ZNF324B: variants seen among roughly 807,000 people sequenced by gnomAD.
ZNF324B encodes the protein zinc finger protein 324B.
A neutral mutation model predicts 10.6 loss-of-function variants in ZNF324B; 7 were observed. The ratio of observed to expected loss-of-function variants is 0.66; its 90% confidence interval spans 0.38 to 1.24. ZNF324B has a LOEUF of 1.24. Ranked by LOEUF, ZNF324B falls within the 50% of genes most tolerant of loss-of-function variation. The probability of loss-of-function intolerance (pLI) is 0.02; values close to 1 mark genes in which losing one functional copy is unlikely to be tolerated. For synonymous variants in ZNF324B, 316 were observed against 321.0 expected, an observed-to-expected ratio of 0.98 and a Z score of 0.17; for missense variants, 640 against 764.7, an observed-to-expected ratio of 0.84 and a Z score of 1.92.
chr19:58,445,707 C>T, the ZNF324B span: 3 of 332,100 alleles, frequency 9.0e-6, no homozygotes, highest in African/African-American at 2.2e-5. Context: ...CCCAGCTACA[C>T]CAGAGGCTGA....
chr19:58,420,264 A>C, the ZNF324B span, among the ~76,000 whole-genome samples: 26 of 152,170 alleles, frequency 1.7e-4, no homozygotes, highest in African/African-American at 6.0e-4. Context: ...TAAAAATACA[A>C]AAAAATTAGC....
the ZNF324B span, chr19:58,440,106 G>A: frequency 6.4e-6 from 3 of 466,520 alleles, no homozygotes; most frequent in South Asian, 8.3e-5. Flanking sequence ...TGTGGCTCCA[G>A]AGGCCTGCTG....
the ZNF324B span, chr19:58,437,595 A>C: frequency 3.5e-4 from 207 of 595,968 alleles, no homozygotes; most frequent in Non-Finnish European, 4.1e-4. Flanking sequence ...TACCAGGGCC[A>C]TGGGCCCAAT....
chr19:58,446,574 T>TC, the ZNF324B span, among the ~76,000 whole-genome samples: 803 of 65,460 alleles, frequency 0.012, 13 homozygotes, highest in African/African-American at 0.087. Flanking sequence ...TTTCTTTCTC[T>TC]TTTTTTTTTT....
At chr19:58,453,964 G>A (rs558806753) in intron 2 of ZNF324B, 142 bp downstream of exon 2, 2 of 1,324,174 alleles carry the variant, frequency 1.5e-6, no homozygotes, top group African/African-American at 2.9e-5. Context: ...ACAAAGTTTG[G>A]TTGGGTCAGC....
At chr19:58,450,872 CACTT>C (rs1192429622), upstream of ZNF324B, among the ~76,000 whole-genome samples, 4 of 152,156 alleles carry the variant, frequency 2.6e-5, no homozygotes, top group Non-Finnish European at 2.9e-5. Context: ...GTGTCAAAGA[CACTT>C]AGATTGGTCC....
chr19:58,447,000 G>A (rs1599974382), upstream of ZNF324B, among the ~76,000 whole-genome samples: 1 of 147,622 alleles, frequency 6.8e-6, no homozygotes. Flanking sequence ...TTTTGAGGCA[G>A]AGTCTCACTC....
chr19:58,448,444 T>C (rs1339429726), upstream of ZNF324B, among the ~76,000 whole-genome samples: 1 of 152,182 alleles, frequency 6.6e-6, no homozygotes, highest in Non-Finnish European at 1.5e-5. Flanking sequence ...AAGTATCTGG[T>C]CCGGGTGCAG....
the ZNF324B span, chr19:58,441,123 C>CT: frequency 6.6e-6 from 1 of 152,254 alleles, no homozygotes; most frequent in Non-Finnish European, 1.5e-5. Flanking sequence ...GCTCTCATGC[C>CT]CCCTTGGCAG....
the ZNF324B span, among the ~76,000 whole-genome samples, chr19:58,423,094 C>T: frequency 6.6e-6 from 1 of 152,130 alleles, no homozygotes; most frequent in Admixed American, 6.6e-5. Flanking sequence ...TGGTCTCGAT[C>T]TCCTGACCTT....
rs752376216 is a variant in ZNF324B at position 58,453,785 on chromosome 19, C to G, written c.84C>G (p.His28Gln). 2 of 1,614,140 alleles carry G rather than the reference C, an allele frequency of 1.2e-6. No individual in the cohort carries two copies. Among genetic ancestry groups the G allele is most frequent in the Non-Finnish European group, 1.7e-6 (2 of 1,179,998 alleles). ...LDTAQRALYR[H>Q]VMLENFTLVT... Reference sequence around the variant, plus strand: ...CAGCGCAGAGGGCCCTGTACCGCCACGTGATGCTGGAAAACTTCACACTTG... The same window carrying G: ...CAGCGCAGAGGGCCCTGTACCGCCAGGTGATGCTGGAAAACTTCACACTTG... The change falls in exon 2 of 4, where the codon CAC becomes CAG. Residue 28 changes from histidine to glutamine, a missense_variant. Around this residue, in one of 3 missense-constraint regions of ZNF324B, gnomAD observed 345 missense variants for 387.9 expected, o/e 0.89. Transcript: ENST00000336614.
At chr19:58,454,708 T>C (rs2052895995) in intron 3 of ZNF324B, 2 of 566,044 alleles carry the variant, frequency 3.5e-6, no homozygotes, top group Non-Finnish European at 6.3e-6. Flanking sequence ...ACCAGGACAC[T>C]CATGGTCCTG....
chr19:58,427,494 C>CTTCT, the ZNF324B span, among the ~76,000 whole-genome samples: 3 of 101,112 alleles, frequency 3.0e-5, no homozygotes, highest in Non-Finnish European at 5.8e-5. Context: ...TCCTTCCTTC[C>CTTCT]TTTCTTTCTT....
At chr19:58,450,329 G>A (rs2052846375), upstream of ZNF324B, among the ~76,000 whole-genome samples, 2 of 152,094 alleles carry the variant, frequency 1.3e-5, no homozygotes, top group South Asian at 4.2e-4. Context: ...ACCAGGCATC[G>A]TGGCTCCTGC....
chr19:58,449,108 T>C (rs2122330783), upstream of ZNF324B, among the ~76,000 whole-genome samples: 1 of 152,346 alleles, frequency 6.6e-6, no homozygotes, highest in Admixed American at 6.5e-5. Context: ...TCCCAGCTGC[T>C]TGAACTATGG....
chr19:58,446,200 G>C, the ZNF324B span, among the ~76,000 whole-genome samples: 2 of 152,178 alleles, frequency 1.3e-5, no homozygotes, highest in Admixed American at 1.3e-4. Context: ...GCTAAACCTT[G>C]TGTAGAAGGA....
chr19:58,440,031 T>G, the ZNF324B span: 1 of 566,512 alleles, frequency 1.8e-6, no homozygotes, highest in Non-Finnish European at 3.0e-6. Flanking sequence ...GCAGAGTAAT[T>G]AGCCGGGCAC....
chr19:58,434,682 A>G, the ZNF324B span: 3 of 1,614,150 alleles, frequency 1.9e-6, no homozygotes, highest in Non-Finnish European at 2.5e-6. Context: ...GAGTTCTCAG[A>G]TGGTTGGGGA....
rs1190053952 is a variant in ZNF324B at position 58,455,264 on chromosome 19, C to T, written c.320C>T (p.Thr107Ile). The change falls in exon 4 of 4, where the codon ACT (threonine) becomes ATT (isoleucine). Residue 107 changes from threonine (T) to isoleucine (I), a missense_variant. Thr to Ile is a moderately conservative substitution (Grantham distance 89). Transcript: ENST00000336614. The surrounding 1 kb of genome is among the most constrained non-coding windows in gnomAD (Gnocchi z 7.0). ...AFPDTPPGMTTSVFPVADACH... is the reference protein window; with the variant it reads ...AFPDTPPGMTISVFPVADACH... ...CCAGATACCCCACCTGGGATGACTA[C>T]TAGCGTCTTCCCAGTTGCCGATGCC... is the stretch of plus-strand genomic sequence containing the variant. The T allele has an allele frequency of 3.1e-6, 5 of 1,614,116 alleles. No individual in the cohort carries two copies. Among genetic ancestry groups the T allele is most frequent in the Non-Finnish European group, 4.2e-6 (5 of 1,180,044 alleles).
Sources: gnomAD v4.1 joint callset for allele counts (sites outside exome capture counted in the v4.1 genomes callset) on GRCh38, gnomAD v4.1.1 for gene constraint, gnomAD v4.1.1 regional missense constraint, Gnocchi (gnomAD v3.1) non-coding constraint, MANE v1.5 for transcripts, NCBI Gene and HGNC (gene_info 2026-07-23, HGNC 2026-07-21) for gene names.